The following SLC41A2 variants were observed in gnomAD, a reference collection of about 807,000 sequenced individuals.
SLC41A2 encodes the protein solute carrier family 41 member 2.
In SLC41A2, 32 loss-of-function variants were observed where a neutral mutation model predicts 58.3. That is an observed-to-expected ratio of 0.55 (90% CI 0.41 to 0.74). SLC41A2 has a LOEUF of 0.74. Among genes scored for constraint, SLC41A2 ranks in the 30% least tolerant of loss-of-function variants. The pLI is 0.00. For missense variants in SLC41A2, 514 were observed against 680.6 expected, an observed-to-expected ratio of 0.76 and a Z score of 2.72; for synonymous variants, 190 against 235.0, an observed-to-expected ratio of 0.81 and a Z score of 1.75.
intron 10 of SLC41A2, among the ~76,000 whole-genome samples, chr12:104,814,807 T>TTTATTTAAAA (rs933905936): frequency 8.7e-4 from 133 of 152,376 alleles, no homozygotes; most frequent in Middle Eastern, 6.8e-3. Context: ...ATTTATGGAC[T>TTTATTTAAAA]TTATTTAAAA....
intron 8 of SLC41A2, among the ~76,000 whole-genome samples, chr12:104,852,707 T>G (rs2042846435): frequency 6.6e-6 from 1 of 152,146 alleles, no homozygotes; most frequent in African/African-American, 2.4e-5. Context: ...CCAGATAAGG[T>G]GAATAAAATT....
chr12:104,952,102 T>C (rs1374958335), intron 1 of SLC41A2, among the ~76,000 whole-genome samples: 2 of 152,180 alleles, frequency 1.3e-5, no homozygotes, highest in Non-Finnish European at 2.9e-5. Flanking sequence ...ATCATTAACA[T>C]GATTTCAACT....
chr12:104,824,024 G>A (rs1042661602), intron 10 of SLC41A2, among the ~76,000 whole-genome samples: 1 of 152,126 alleles, frequency 6.6e-6, no homozygotes, highest in Non-Finnish European at 1.5e-5. Flanking sequence ...ATACGGAAGT[G>A]CCAGGAGGGG....
chr12:104,828,640 C>G (rs1301419145), intron 10 of SLC41A2, among the ~76,000 whole-genome samples: 2 of 152,240 alleles, frequency 1.3e-5, no homozygotes, highest in East Asian at 3.9e-4. Flanking sequence ...GCCATACCCC[C>G]ATCACATGCC....
chr12:104,846,681 A>G (rs1362401348), intron 8 of SLC41A2, among the ~76,000 whole-genome samples: 1 of 152,248 alleles, frequency 6.6e-6, no homozygotes, highest in East Asian at 1.9e-4. Context: ...TTGGGGGAAG[A>G]GCAAGAGCAC....
chr12:104,877,547 T>C (rs1231403922), intron 6 of SLC41A2, among the ~76,000 whole-genome samples: 1 of 152,202 alleles, frequency 6.6e-6, no homozygotes, highest in East Asian at 1.9e-4. Context: ...AATCATGATC[T>C]GTGATAGTAA....
chr12:104,916,840 C>T (rs1290587732), intron 2 of SLC41A2, among the ~76,000 whole-genome samples: 9 of 152,064 alleles, frequency 5.9e-5, no homozygotes, highest in African/African-American at 1.7e-4. Flanking sequence ...GGATTAAAGA[C>T]TTAAATGTTA....
intron 2 of SLC41A2, among the ~76,000 whole-genome samples, chr12:104,918,183 T>C (rs969208249): frequency 3.9e-5 from 6 of 151,974 alleles, no homozygotes; most frequent in Admixed American, 3.9e-4. Context: ...AGGCACTCTT[T>C]TGCACTGCTT....
chr12:104,895,832 AATTC>A (rs1347298471), intron 3 of SLC41A2, among the ~76,000 whole-genome samples: 2 of 152,140 alleles, frequency 1.3e-5, no homozygotes, highest in East Asian at 3.8e-4. Context: ...TTAGCAATAA[AATTC>A]ATTGTTTACA....
intron 1 of SLC41A2, among the ~76,000 whole-genome samples, chr12:104,948,252 G>A (rs186014207): frequency 6.6e-6 from 1 of 152,186 alleles, no homozygotes; most frequent in East Asian, 1.9e-4. Flanking sequence ...TATTTCCCCA[G>A]GAAGTTGTCC....
intron 7 of SLC41A2, among the ~76,000 whole-genome samples, chr12:104,864,457 T>C (rs904321163): frequency 4.6e-5 from 7 of 152,222 alleles, no homozygotes; most frequent in African/African-American, 1.7e-4. Flanking sequence ...CAGTGCTTTA[T>C]ATGTAACTTA....
chr12:104,929,217 A>C (rs540270227), intron 1 of SLC41A2, among the ~76,000 whole-genome samples: 1 of 152,338 alleles, frequency 6.6e-6, no homozygotes, highest in East Asian at 1.9e-4. Flanking sequence ...CTATAAAAAC[A>C]CTTGGTAGGT....
intron 2 of SLC41A2, among the ~76,000 whole-genome samples, chr12:104,918,222 G>T (rs1420237140): frequency 2.0e-5 from 3 of 151,942 alleles, no homozygotes; most frequent in Non-Finnish European, 2.9e-5. Flanking sequence ...AACTTCTTTG[G>T]TGGAATCTGG....
intron 6 of SLC41A2, among the ~76,000 whole-genome samples, chr12:104,879,725 A>T (rs1485757310): frequency 6.6e-6 from 1 of 152,220 alleles, no homozygotes; most frequent in Non-Finnish European, 1.5e-5. Context: ...GAAGTCAGGC[A>T]GCATGACGCC....
At chr12:104,928,786 C>T (rs2046947957) in intron 1 of SLC41A2, 92 bp from the exon 2 acceptor site, 1 of 295,742 alleles carries the variant, frequency 3.4e-6, no homozygotes, top group East Asian at 5.6e-5. Flanking sequence ...GTATTAAAAA[C>T]ACATGTTCTT....
chr12:104,861,377 G>C lies in SLC41A2; in HGVS notation c.1176-7C>G, dbSNP rs368725116. The stretch of plus-strand genomic sequence containing the variant: ...CAGAATAAGGCCCCCAATGCTGAAA[G>C]AGATAAAATTATATAATTTAGAGAA... On this transcript the variant is annotated splice_polypyrimidine_tract_variant and splice_region_variant and intron_variant, in intron 7 of 10. Transcript: ENST00000258538. 5.0e-6 allele frequency: 8 copies of C among 1,604,264 alleles called. No individual in the cohort carries two copies. The highest frequency in any genetic ancestry group is 6.8e-6 in the Non-Finnish European group (8 of 1,172,132).
rs527744797 is a variant in SLC41A2, at chr12:104,870,595, G to A, written c.1028-4016C>T. 3.9e-5 allele frequency among the ~76,000 whole-genome samples: 6 copies of A among 152,222 alleles called. No individual in the cohort carries two copies. The East Asian group carries it at 7.7e-4, about 20-fold the overall frequency. On this transcript the variant is annotated intron_variant, in intron 6 of 10. Coordinates refer to ENST00000258538, the MANE Select transcript of SLC41A2 (RefSeq NM_001352171.3). ...TGACTCTGTGATATAGGCAAACTAC[G>A]GAAAAGTAAAGATTAACACAGCTAA...
chr12:104,880,132 A>G (rs1055955353), intron 6 of SLC41A2, among the ~76,000 whole-genome samples: 5 of 152,134 alleles, frequency 3.3e-5, no homozygotes, highest in Non-Finnish European at 7.4e-5. Context: ...TTATTGGTGT[A>G]TAGGGATGCT....
chr12:104,843,967 C>T (rs2042513740), intron 10 of SLC41A2, among the ~76,000 whole-genome samples: 1 of 152,078 alleles, frequency 6.6e-6, no homozygotes, highest in African/African-American at 2.4e-5. Flanking sequence ...TACCTTCTAG[C>T]CTCCTTCCTA....
Sources: allele counts gnomAD v4.1 joint callset (sites outside exome capture counted in the v4.1 genomes callset), GRCh38; gene constraint gnomAD v4.1.1; transcripts MANE v1.5; gene names NCBI Gene and HGNC (gene_info 2026-07-23, HGNC 2026-07-21).